Variants in FARP1 observed in about 807,000 individuals in gnomAD.
FARP1 encodes the protein FERM, ARH/RhoGEF and pleckstrin domain protein 1, also known as FERM, ARHGEF and pleckstrin domain-containing protein 1.
In FARP1, 52 loss-of-function variants were observed where a neutral mutation model predicts 128.8. The observed-to-expected ratio is 0.40, with a 90% CI of 0.32 to 0.51. FARP1 has a LOEUF of 0.51. FARP1 is among the 20% of genes least tolerant of loss of function. The pLI is 0.45. For synonymous variants in FARP1, 580 were observed against 551.8 expected (o/e 1.05, Z -0.72); for missense variants, 1,333 against 1,367.9 (o/e 0.97, Z 0.40).
At chr13:98,243,639 G>A (rs1882902592) in intron 2 of FARP1, among the ~76,000 whole-genome samples, 2 of 148,056 alleles carry the variant, frequency 1.4e-5, no homozygotes, top group Non-Finnish European at 1.5e-5. Context: ...GGAGGTTGCA[G>A]TGAGCCTAGA....
In FARP1 at chr13:98,165,710, G is replaced by GTTTTTTTTTTT. The variant is rs71111927; in HGVS notation, c.-24+22241_-24+22251dup. 5.7e-4 allele frequency among the ~76,000 whole-genome samples: 42 copies of GTTTTTTTTTTT among 74,134 alleles called. 1 individual carries two copies. The highest frequency in any genetic ancestry group is 7.1e-4 in the Non-Finnish European group (30 of 42,336). The allele number at this position is 74,134 out of a possible 152,430, so 48.6% of individuals were successfully genotyped here. A position where few individuals can be genotyped will look rare whatever the true frequency, so the allele number is the denominator to read the frequency against. ...AAAAAAAAAAACCCTTCCAGAAGGG[G>GTTTTTTTTTTT]TTTTTTTTTTTTTTTTTTTTTTTTT... On this transcript the variant is annotated intron_variant, in intron 1 of 26. Coordinates refer to ENST00000319562, the MANE Select transcript of FARP1 (RefSeq NM_005766.4).
intron 2 of FARP1, chr13:98,333,075 G>T (rs902403014): frequency 9.2e-5 from 14 of 152,136 alleles, no homozygotes; most frequent in African/African-American, 2.9e-4. Context: ...GGAGAAAAGT[G>T]CCAATCTTAC....
chr13:98,388,541 G>A (rs369524359), intron 9 of FARP1, 63 bp downstream of exon 9: 37 of 1,270,942 alleles, frequency 2.9e-5, no homozygotes, highest in Admixed American at 1.2e-4. Context: ...TCCTGCAAGG[G>A]GTGGAGGTCT....
At chr13:98,285,812 C>T (rs558611162) in intron 2 of FARP1, among the ~76,000 whole-genome samples, 7 of 152,254 alleles carry the variant, frequency 4.6e-5, no homozygotes, top group African/African-American at 9.6e-5. Context: ...TTTCAACCAT[C>T]GTTTGGGAGT....
At chr13:98,306,771 A>G (rs977118783) in intron 2 of FARP1, among the ~76,000 whole-genome samples, 3 of 152,006 alleles carry the variant, frequency 2.0e-5, no homozygotes, top group African/African-American at 4.8e-5. Flanking sequence ...CAATCCTCCT[A>G]TGTTGGCCTC....
chr13:98,453,458 G>A lies in FARP1; in HGVS notation c.*5141G>A. The A allele has an allele frequency of 2.0e-6, 1 of 498,870 alleles. No individual in the cohort carries two copies. Among genetic ancestry groups the A allele is most frequent in the Non-Finnish European group, 3.5e-6 (1 of 285,136 alleles). The allele number at this position is 498,870 out of a possible 1,614,324, so 30.9% of individuals were successfully genotyped here. ...AGAATGGGTTCAGCCTCCCTGGAGA[G>A]ATGTGAATAAAACGGGAAATCATAT... On this transcript the variant is annotated 3_prime_UTR_variant, in exon 27 of 27. Coordinates refer to ENST00000319562, the MANE Select transcript of FARP1 (RefSeq NM_005766.4).
chr13:98,288,292 C>G (rs1885291777), intron 2 of FARP1, among the ~76,000 whole-genome samples: 1 of 152,146 alleles, frequency 6.6e-6, no homozygotes, highest in South Asian at 2.1e-4. Context: ...TTTCCTTCAT[C>G]TTTGGGATAA....
Position 98,270,036 on chromosome 13 carries a change from C to CGG in FARP1, c.171+56624_171+56625dup, listed in dbSNP as rs569942425. 2.1e-4 allele frequency among the ~76,000 whole-genome samples: 32 copies of CGG among 152,226 alleles called. No individual in the cohort carries two copies. The East Asian group carries it at 4.8e-3, about 23-fold the overall frequency. The stretch of plus-strand genomic sequence containing the variant: ...CAGAGAATCACTTGAACCTGAGAGG[C>CGG]GGAGGTTGCAGTGAGCTGAGATCAC... On this transcript the variant is annotated intron_variant, in intron 2 of 26. Transcript: ENST00000319562.
chr13:98,168,381 CTAAT>C (rs1877429424), intron 1 of FARP1, among the ~76,000 whole-genome samples: 1 of 152,126 alleles, frequency 6.6e-6, no homozygotes, highest in African/African-American at 2.4e-5. Context: ...ACATATGTAT[CTAAT>C]TAATTCTGAA....
chr13:98,433,197 C>T (rs1161754687), intron 18 of FARP1: 1 of 152,170 alleles, frequency 6.6e-6, no homozygotes, highest in Non-Finnish European at 1.5e-5. Flanking sequence ...AAAGCCGTAA[C>T]CTAAGAGCAG....
chr13:98,322,169 G>T (rs1887023090), intron 2 of FARP1, among the ~76,000 whole-genome samples: 1 of 152,174 alleles, frequency 6.6e-6, no homozygotes, highest in African/African-American at 2.4e-5. Context: ...ATGGTGGCAG[G>T]TGCCTGTAAT....
At chr13:98,246,296 C>T (rs1883059571) in intron 2 of FARP1, among the ~76,000 whole-genome samples, 2 of 132,456 alleles carry the variant, frequency 1.5e-5, no homozygotes, top group African/African-American at 5.8e-5. Context: ...GGGGTTTCAC[C>T]GTGTTAGCCA....
intron 1 of FARP1, among the ~76,000 whole-genome samples, chr13:98,197,141 G>A (rs1009071976): frequency 6.6e-6 from 1 of 152,132 alleles, no homozygotes; most frequent in Non-Finnish European, 1.5e-5. Flanking sequence ...TAAGCTTTAG[G>A]AAATGGCTTC....
chr13:98,147,231 C>T (rs1875635907), intron 1 of FARP1, among the ~76,000 whole-genome samples: 1 of 152,160 alleles, frequency 6.6e-6, no homozygotes, highest in Admixed American at 6.6e-5. Flanking sequence ...AAATATCATG[C>T]TCGAAGCTTT....
intron 13 of FARP1, chr13:98,398,196 C>A (rs1332342513): frequency 6.6e-6 from 1 of 152,196 alleles, no homozygotes; most frequent in Admixed American, 6.5e-5. Context: ...AACACTTAAT[C>A]CATTTTTATA....
Position 98,431,091 on chromosome 13 carries a change from G to C in FARP1, c.1954G>C (p.Glu652Gln), listed in dbSNP as rs750195885. 6.2e-7 allele frequency: 1 copy of C among 1,614,174 alleles called. No individual in the cohort carries two copies. The highest frequency in any genetic ancestry group is 8.5e-7 in the Non-Finnish European group (1 of 1,180,030). Reference sequence around the variant, plus strand: ...GCACAGCGAGGCCTTGGAGGCCCTGGAGAATGGAATCAAGAGCTCCCGGCG... The same window carrying C: ...GCACAGCGAGGCCTTGGAGGCCCTGCAGAATGGAATCAAGAGCTCCCGGCG... ...WKHSEALEAL[E>Q]NGIKSSRRLE... Residue 652 changes from glutamate to glutamine, a missense_variant, in exon 18 of 27, where the codon GAG becomes CAG. Around this residue, in one of 2 missense-constraint regions of FARP1, gnomAD observed 1,009 missense variants for 969.8 expected, o/e 1.04. Coordinates refer to ENST00000319562, the MANE Select transcript of FARP1 (RefSeq NM_005766.4).
At chr13:98,371,130 G>T (rs557877654) in intron 5 of FARP1, among the ~76,000 whole-genome samples, 1 of 151,976 alleles carries the variant, frequency 6.6e-6, no homozygotes, top group African/African-American at 2.4e-5. Flanking sequence ...CATCGGTAGC[G>T]TGCCTTTTCC....
intron 2 of FARP1, among the ~76,000 whole-genome samples, chr13:98,314,926 G>C (rs1208391409): frequency 6.6e-6 from 1 of 152,162 alleles, no homozygotes; most frequent in African/African-American, 2.4e-5. Flanking sequence ...GAAGATAGCA[G>C]ATGGTTCAAA....
chr13:98,269,756 G>A (rs1340539640), intron 2 of FARP1, among the ~76,000 whole-genome samples: 1 of 152,220 alleles, frequency 6.6e-6, no homozygotes, highest in African/African-American at 2.4e-5. Flanking sequence ...GCCTGAGTGA[G>A]TGGTCGGGGG....
Sources: gnomAD v4.1 joint callset for allele counts (sites outside exome capture counted in the v4.1 genomes callset) on GRCh38, gnomAD v4.1.1 for gene constraint, gnomAD v4.1.1 regional missense constraint, MANE v1.5 for transcripts, NCBI Gene and HGNC (gene_info 2026-07-23, HGNC 2026-07-21) for gene names.